The following SMIM14 variants were observed in gnomAD, a reference collection of about 807,000 sequenced individuals.
SMIM14 encodes small integral membrane protein 14.
Under a neutral mutation model 12.6 loss-of-function variants are expected in SMIM14, and 5 were observed. That is an observed-to-expected ratio of 0.40 (90% CI 0.21 to 0.83). The LOEUF is 0.83. SMIM14 is among the 40% of genes least tolerant of loss of function. The pLI, the probability that SMIM14 is intolerant of heterozygous loss-of-function variation, is 0.37. For missense variants in SMIM14, 86 were observed against 119.1 expected (o/e 0.72, Z 1.29); for synonymous variants, 30 against 40.1 (o/e 0.75, Z 0.95).
At chr4:39,608,151 C>T (rs991834921) in intron 1 of SMIM14, among the ~76,000 whole-genome samples, 2 of 152,176 alleles carry the variant, frequency 1.3e-5, no homozygotes, top group Non-Finnish European at 2.9e-5. Context: ...CAATTCTACT[C>T]ATAGGTATAT....
intron 1 of SMIM14, among the ~76,000 whole-genome samples, chr4:39,632,802 C>CACACAA (rs1715956070): frequency 6.6e-6 from 1 of 150,644 alleles, no homozygotes; most frequent in African/African-American, 2.4e-5. Context: ...CACACACACA[C>CACACAA]ACACACACAC....
intron 2 of SMIM14, among the ~76,000 whole-genome samples, chr4:39,603,021 T>C (rs1037877188): frequency 1.3e-5 from 2 of 152,200 alleles, no homozygotes; most frequent in Non-Finnish European, 2.9e-5. Context: ...CTTCAAAATC[T>C]GAAATTTTTT....
intron 3 of SMIM14, among the ~76,000 whole-genome samples, chr4:39,571,773 A>G (rs973116934): frequency 6.6e-6 from 1 of 151,884 alleles, no homozygotes; most frequent in African/African-American, 2.4e-5. Flanking sequence ...ATTTGTCAAC[A>G]GTGGTTATCT....
At chr4:39,591,596 C>T (rs1714083546) in intron 2 of SMIM14, among the ~76,000 whole-genome samples, 2 of 152,020 alleles carry the variant, frequency 1.3e-5, no homozygotes, top group South Asian at 2.1e-4. Context: ...CCCTCTGTCA[C>T]GCAGGATGGA....
At chr4:39,601,527 C>T (rs558561879) in intron 2 of SMIM14, among the ~76,000 whole-genome samples, 9 of 152,252 alleles carry the variant, frequency 5.9e-5, no homozygotes, top group East Asian at 1.9e-4. Context: ...TTATAACTAA[C>T]GGCAAAAAAT....
At chr4:39,597,086 T>G (rs960214639) in intron 2 of SMIM14, among the ~76,000 whole-genome samples, 1 of 70,668 alleles carries the variant, frequency 1.4e-5, no homozygotes, top group Non-Finnish European at 3.6e-5. Flanking sequence ...CAGGTTTCCC[T>G]TTTTTTTTTT....
rs1041839146 is a variant in SMIM14 at position 39,549,681 on chromosome 4, T to G, written c.*2445A>C. ...TCAGAGAACAGATTGTTAGGATATATGGGCAAGCCTTCTAAGTTCAAGAGG... is the reference window on the plus strand; with the variant it reads ...TCAGAGAACAGATTGTTAGGATATAGGGGCAAGCCTTCTAAGTTCAAGAGG... On this transcript the variant is annotated 3_prime_UTR_variant, in exon 5 of 5. Coordinates refer to ENST00000295958, the MANE Select transcript of SMIM14 (RefSeq NM_174921.3). The G allele has an allele frequency of 2.0e-5, 3 of 152,220 alleles. No individual in the cohort carries two copies. The highest frequency in any genetic ancestry group is 4.4e-5 in the Non-Finnish European group (3 of 68,034). The allele number at this position is 152,220 out of a possible 1,614,324, so 9.4% of individuals were successfully genotyped here. A position where few individuals can be genotyped will look rare whatever the true frequency, so the allele number is the denominator to read the frequency against.
intron 3 of SMIM14, among the ~76,000 whole-genome samples, chr4:39,563,175 C>T (rs1460642807): frequency 2.6e-5 from 4 of 152,120 alleles, no homozygotes; most frequent in African/African-American, 9.7e-5. Context: ...ATTCTCATGC[C>T]TCAGCCTCCC....
chr4:39,583,280 T>C (rs1713611865), intron 2 of SMIM14, among the ~76,000 whole-genome samples: 1 of 152,018 alleles, frequency 6.6e-6, no homozygotes, highest in Non-Finnish European at 1.5e-5. Flanking sequence ...TTATTATTTT[T>C]AGAGACAAGG....
At chr4:39,590,251 T>C (rs1203686968) in intron 2 of SMIM14, among the ~76,000 whole-genome samples, 4 of 151,104 alleles carry the variant, frequency 2.6e-5, no homozygotes, top group African/African-American at 4.9e-5. Context: ...CCGTCTCTAC[T>C]AAAAATACAA....
At chr4:39,609,225 C>T (rs962880266) in intron 1 of SMIM14, among the ~76,000 whole-genome samples, 2 of 152,156 alleles carry the variant, frequency 1.3e-5, no homozygotes, top group African/African-American at 4.8e-5. Flanking sequence ...AGCGATCCGC[C>T]CGCCTTGGCC....
At chr4:39,633,293 CA>C (rs1019911697) in intron 1 of SMIM14, among the ~76,000 whole-genome samples, 11 of 144,994 alleles carry the variant, frequency 7.6e-5, no homozygotes, top group Admixed American at 1.4e-4. Flanking sequence ...GACTCTGTTT[CA>C]AAAAAAAAAA....
chr4:39,625,217 C>CAAAAAAAAAAAAAAAAAAAA (rs555489081), intron 1 of SMIM14, among the ~76,000 whole-genome samples: 1 of 56,286 alleles, frequency 1.8e-5, no homozygotes, highest in Admixed American at 2.2e-4. Flanking sequence ...GACATCATCT[C>CAAAAAAAAAAAAAAAAAAAA]AAAAAAAAAA....
At chr4:39,587,471 G>A (rs1048509832) in intron 2 of SMIM14, among the ~76,000 whole-genome samples, 2 of 133,856 alleles carry the variant, frequency 1.5e-5, no homozygotes, top group African/African-American at 5.6e-5. Context: ...ACTCCAGCCT[G>A]GGAGACAGAG....
chr4:39,590,894 A>G (rs1191886141), intron 2 of SMIM14, among the ~76,000 whole-genome samples: 2 of 152,062 alleles, frequency 1.3e-5, no homozygotes, highest in East Asian at 3.9e-4. Flanking sequence ...AGATACCCAG[A>G]TTGTCACTGA....
rs1316373491 is a variant in SMIM14, at chr4:39,624,834, AC to A, written c.-36+13904del. On this transcript the variant is annotated intron_variant, in intron 1 of 4. Transcript: ENST00000295958. Reference sequence around the variant, plus strand: ...CCATCTCGAAAAAAAAAAAAAAAAAACTTCCTATTCGTTCTTAGTAACGAAA... The same window carrying A: ...CCATCTCGAAAAAAAAAAAAAAAAAATTCCTATTCGTTCTTAGTAACGAAA... 2.0e-5 allele frequency among the ~76,000 whole-genome samples: 3 copies of A among 150,734 alleles called. No homozygotes were observed. In the Admixed American group the frequency reaches 2.0e-4, roughly 10 times the overall value.
chr4:39,613,293 T>C (rs1197539817), intron 1 of SMIM14, among the ~76,000 whole-genome samples: 2 of 152,250 alleles, frequency 1.3e-5, no homozygotes, highest in South Asian at 2.1e-4. Flanking sequence ...AATTTTAAAT[T>C]ATACTTCAGT....
At position 39,558,074 on chromosome 4, in the gene SMIM14, T is replaced by C. The variant is rs1712108930; in HGVS notation, c.125-1504A>G. On this transcript the variant is annotated intron_variant, in intron 3 of 4. Coordinates refer to ENST00000295958, the MANE Select transcript of SMIM14 (RefSeq NM_174921.3). This position sits in a 1 kb window ranked among gnomAD's most constrained non-coding sequence, Gnocchi z 4.3. ...CCTGGTTCCTTGACATAGCCACGTC[T>C]TATTTAATTTGAAATAACAAGTGCC... Among the ~76,000 whole-genome samples the C allele has an allele frequency of 2.0e-5, 3 of 152,202 alleles. No individual in the cohort carries two copies. The South Asian group carries it at 6.2e-4, about 31-fold the overall frequency.
chr4:39,601,276 T>C (rs886921752), intron 2 of SMIM14, among the ~76,000 whole-genome samples: 3 of 152,174 alleles, frequency 2.0e-5, no homozygotes, highest in African/African-American at 7.2e-5. Flanking sequence ...CTACTTGCTA[T>C]AAGAACTTTA....
Sources: allele counts gnomAD v4.1 joint callset (sites outside exome capture counted in the v4.1 genomes callset), GRCh38; gene constraint gnomAD v4.1.1; non-coding constraint Gnocchi (gnomAD v3.1); transcripts MANE v1.5; gene names NCBI Gene and HGNC (gene_info 2026-07-23, HGNC 2026-07-21).